PRKG1: variants seen among roughly 807,000 people sequenced by gnomAD.
The protein encoded by PRKG1 is protein kinase cGMP-dependent 1, also known as cGMP-dependent protein kinase 1.
Under a neutral mutation model 88.1 loss-of-function variants are expected in PRKG1, and 35 were observed. That is an observed-to-expected ratio of 0.40 (90% CI 0.30 to 0.53). PRKG1 has a LOEUF of 0.53. Among genes scored for constraint, PRKG1 ranks in the 20% least tolerant of loss-of-function variants. The pLI, the probability that PRKG1 is intolerant of heterozygous loss-of-function variation, is 0.59. For synonymous variants in PRKG1, 303 were observed against 292.5 expected (o/e 1.04, Z -0.37); for missense variants, 540 against 839.8 (o/e 0.64, Z 4.41).
chr10:51,364,903 C>T (rs868419119), intron 2 of PRKG1, among the ~76,000 whole-genome samples: 16 of 151,808 alleles, frequency 1.1e-4, no homozygotes, highest in South Asian at 4.2e-4. Flanking sequence ...ACAAGGGATT[C>T]AAATATAACC....
chr10:52,230,818 G>T, intron 9 of PRKG1: 1 of 152,212 alleles, frequency 6.6e-6, no homozygotes, highest in Admixed American at 6.5e-5. Flanking sequence ...GCAAACCATA[G>T]AAGTTTTATT....
intron 2 of PRKG1, among the ~76,000 whole-genome samples, chr10:51,239,881 T>C (rs1221524904): frequency 6.6e-6 from 1 of 152,212 alleles, no homozygotes; most frequent in East Asian, 1.9e-4. Context: ...CCCACCTTTA[T>C]AGGGCCAATA....
intron 3 of PRKG1, among the ~76,000 whole-genome samples, chr10:51,678,303 A>G (rs1033336210): frequency 3.3e-5 from 5 of 152,206 alleles, no homozygotes; most frequent in Non-Finnish European, 7.3e-5. Context: ...CAAGTAGATT[A>G]TATGTAGATT....
chr10:51,677,180 T>A (rs1278929215), intron 3 of PRKG1, among the ~76,000 whole-genome samples: 3 of 152,210 alleles, frequency 2.0e-5, no homozygotes, highest in African/African-American at 7.2e-5. Context: ...ATGCTTGTGA[T>A]ATACCAATAT....
intron 9 of PRKG1, among the ~76,000 whole-genome samples, chr10:52,187,176 GAT>G (rs1564508333): frequency 6.6e-6 from 1 of 152,132 alleles, no homozygotes; most frequent in Non-Finnish European, 1.5e-5. Context: ...CTAAAACTTT[GAT>G]ATTGTTTAAG....
chr10:51,983,952 A>T (rs1844083440), intron 5 of PRKG1, among the ~76,000 whole-genome samples: 2 of 152,242 alleles, frequency 1.3e-5, no homozygotes, highest in South Asian at 4.1e-4. Context: ...TAAAGGAAAA[A>T]TAAATTTGCC....
chr10:51,387,377 CTT>C (rs915777201), intron 2 of PRKG1, among the ~76,000 whole-genome samples: 3 of 149,448 alleles, frequency 2.0e-5, no homozygotes, highest in Admixed American at 6.7e-5. Flanking sequence ...TTTAAATAAA[CTT>C]AATATATATA....
Position 51,670,907 on chromosome 10 carries a change from G to T in PRKG1, c.593-133678G>T, listed in dbSNP as rs186343078. The stretch of plus-strand genomic sequence containing the variant: ...TCATTTCCTCTAATCTCTTAATAAT[G>T]TTGTAGACTAATATTTTGCTCTATT... On this transcript the variant is annotated intron_variant, in intron 3 of 17. Transcript: ENST00000373980. Among the ~76,000 whole-genome samples the T allele has an allele frequency of 3.8e-3, 576 of 151,916 alleles. 4 individuals are homozygous for T. Among genetic ancestry groups the T allele is most frequent in the Middle Eastern group, 0.01 (3 of 290 alleles).
intron 2 of PRKG1, among the ~76,000 whole-genome samples, chr10:51,291,889 A>G (rs181587334): frequency 2.0e-5 from 3 of 152,326 alleles, no homozygotes; most frequent in Admixed American, 6.5e-5. Context: ...TCCTTGAGAC[A>G]GTGAATTGCC....
chr10:52,216,721 G>C (rs1031835178), intron 9 of PRKG1, among the ~76,000 whole-genome samples: 1 of 152,078 alleles, frequency 6.6e-6, no homozygotes, highest in Non-Finnish European at 1.5e-5. Flanking sequence ...TACAGTCATA[G>C]GTTTTGGTGC....
At chr10:50,997,714 T>G (rs1842850199) in intron 1 of PRKG1, among the ~76,000 whole-genome samples, 1 of 152,174 alleles carries the variant, frequency 6.6e-6, no homozygotes, top group South Asian at 2.1e-4. Flanking sequence ...TAGCATATCC[T>G]GTTTCACAAA....
chr10:51,023,163 A>G (rs543380143), intron 1 of PRKG1, among the ~76,000 whole-genome samples: 1 of 152,332 alleles, frequency 6.6e-6, no homozygotes, highest in East Asian at 1.9e-4. Context: ...AGAGTCAAGG[A>G]AGAGTACAAA....
intron 1 of PRKG1, among the ~76,000 whole-genome samples, chr10:50,999,983 G>T (rs115723046): frequency 6.6e-6 from 1 of 152,120 alleles, no homozygotes; most frequent in African/African-American, 2.4e-5. Flanking sequence ...TATCTAGAAC[G>T]TATTAAAAAA....
chr10:51,470,128 T>C (rs769590777), intron 3 of PRKG1, among the ~76,000 whole-genome samples: 2 of 151,824 alleles, frequency 1.3e-5, no homozygotes, highest in Admixed American at 6.6e-5. Context: ...ATGCTACTTT[T>C]ACAAAATGAC....
chr10:51,655,335 T>C (rs960239248), intron 3 of PRKG1, among the ~76,000 whole-genome samples: 2 of 152,098 alleles, frequency 1.3e-5, no homozygotes, highest in Admixed American at 1.3e-4. Context: ...CAGGAAAATA[T>C]AGGTTCAAGG....
In PRKG1 at chr10:51,550,800, A is replaced by T. The variant is rs542252008; in HGVS notation, c.592+82964A>T. Among the ~76,000 whole-genome samples, 3 of 152,050 alleles carry T rather than the reference A, an allele frequency of 2.0e-5. No individual in the cohort carries two copies. In the East Asian group the frequency reaches 5.8e-4, roughly 30 times the overall value. The stretch of plus-strand genomic sequence containing the variant: ...ACATATATCAAGAATTCATGGGAAA[A>T]CTATGGTTTCAAACATGAAACCAAA... On this transcript the variant is annotated intron_variant, in intron 3 of 17. Coordinates refer to ENST00000373980, the MANE Select transcript of PRKG1 (RefSeq NM_006258.4).
At chr10:51,159,469 G>A (rs1272740967) in intron 2 of PRKG1, among the ~76,000 whole-genome samples, 5 of 152,070 alleles carry the variant, frequency 3.3e-5, no homozygotes, top group Non-Finnish European at 7.4e-5. Context: ...ATGGGACCAA[G>A]CTTATAATGT....
At chr10:52,044,948 C>T (rs182298808) in intron 5 of PRKG1, among the ~76,000 whole-genome samples, 1 of 152,244 alleles carries the variant, frequency 6.6e-6, no homozygotes, top group East Asian at 1.9e-4. Flanking sequence ...ATCTTTAAAC[C>T]TTTGTGTCAA....
At chr10:52,084,686 T>A (rs574108328) in intron 7 of PRKG1, among the ~76,000 whole-genome samples, 49 of 152,166 alleles carry the variant, frequency 3.2e-4, no homozygotes, top group African/African-American at 9.9e-4. Flanking sequence ...AACAAGGAAG[T>A]TTTCTTATGT....
Sources: allele counts gnomAD v4.1 joint callset (sites outside exome capture counted in the v4.1 genomes callset), GRCh38; gene constraint gnomAD v4.1.1; transcripts MANE v1.5; gene names NCBI Gene and HGNC (gene_info 2026-07-23, HGNC 2026-07-21).